Variants in GSE1 observed in about 807,000 individuals in gnomAD.
The protein encoded by GSE1 is genetic suppressor element 1.
A neutral mutation model predicts 112.6 loss-of-function variants in GSE1; 32 were observed. That is an observed-to-expected ratio of 0.28 (90% confidence interval 0.21 to 0.38). The LOEUF is 0.38. Ranked by LOEUF, GSE1 falls within the 10% of genes least tolerant of loss-of-function variation. The probability of loss-of-function intolerance (pLI) is 1.00; values close to 1 mark genes in which losing one functional copy is unlikely to be tolerated. For missense variants in GSE1, 2,348 were observed against 1,699.2 expected, an observed-to-expected ratio of 1.38 and a Z score of -6.71; for synonymous variants, 1,115 against 735.6, an observed-to-expected ratio of 1.52 and a Z score of -8.35.
rs1298155699 is a variant in GSE1 at position 85,671,108 on chromosome 16, G to A, written c.3519+10G>A. 2.0e-6 allele frequency: 3 copies of A among 1,509,736 alleles called. No homozygotes were observed. The highest frequency in any genetic ancestry group is 2.8e-6 in the Non-Finnish European group (3 of 1,085,780). 93.5% of individuals were successfully genotyped at this position (1,509,736 alleles called of 1,614,324 possible). A position where few individuals can be genotyped will look rare whatever the true frequency, so the allele number is the denominator to read the frequency against. On this transcript the variant is annotated intron_variant, in intron 15 of 15. Coordinates refer to ENST00000253458, the MANE Select transcript of GSE1 (RefSeq NM_014615.5). ...CTCCCACAGCGTGGCGGTGAGTTGGGAAGGGATGGAAACCTTCAAACACGC... is the reference window on the plus strand; with the variant it reads ...CTCCCACAGCGTGGCGGTGAGTTGGAAAGGGATGGAAACCTTCAAACACGC...
At chr16:85,389,081 A>C (rs1313631914) in intron 2 of GSE1, among the ~76,000 whole-genome samples, 1 of 152,224 alleles carries the variant, frequency 6.6e-6, no homozygotes, top group Non-Finnish European at 1.5e-5. Flanking sequence ...GAGGCCCCCC[A>C]GCCAGGTCCT....
upstream of GSE1, among the ~76,000 whole-genome samples, chr16:85,552,617 C>T (rs1335563294): frequency 6.6e-6 from 1 of 152,236 alleles, no homozygotes; most frequent in African/African-American, 2.4e-5. Context: ...CAGGCGTGAG[C>T]CACCGCGCTC....
At chr16:85,647,337 T>G (rs1407677503) in intron 2 of GSE1, among the ~76,000 whole-genome samples, 1 of 152,198 alleles carries the variant, frequency 6.6e-6, no homozygotes, top group Non-Finnish European at 1.5e-5. Context: ...GGGTTCTTTC[T>G]GAGGCGACGG....
chr16:85,261,775 C>G (rs1373616892), intron 1 of GSE1, among the ~76,000 whole-genome samples: 1 of 152,178 alleles, frequency 6.6e-6, no homozygotes, highest in Non-Finnish European at 1.5e-5. Flanking sequence ...GAGCCGCCAT[C>G]GTCCCCAGTC....
At chr16:85,244,622 G>T (rs1905438173) in intron 1 of GSE1, among the ~76,000 whole-genome samples, 1 of 152,220 alleles carries the variant, frequency 6.6e-6, no homozygotes, top group Non-Finnish European at 1.5e-5. Context: ...GGCTGAGGCA[G>T]GAGGATCGCT....
chr16:85,380,692 G>A (rs1000064600), intron 2 of GSE1, among the ~76,000 whole-genome samples: 7 of 152,240 alleles, frequency 4.6e-5, no homozygotes, highest in East Asian at 1.9e-4. Context: ...TCCATTTGGC[G>A]TGGCCCCGGA....
At chr16:85,374,404 C>T (rs895093266) in intron 2 of GSE1, among the ~76,000 whole-genome samples, 6 of 151,412 alleles carry the variant, frequency 4.0e-5, no homozygotes, top group Admixed American at 1.3e-4. Flanking sequence ...GTGTGTGGCC[C>T]TCCGTGTGCA....
chr16:85,248,384 T>G (rs1053598740), intron 1 of GSE1, among the ~76,000 whole-genome samples: 3 of 152,118 alleles, frequency 2.0e-5, no homozygotes, highest in African/African-American at 4.8e-5. Context: ...ATCTCTCCCC[T>G]TTTTTCCCTC....
chr16:85,567,582 C>T (rs2045813433), intron 1 of GSE1, among the ~76,000 whole-genome samples: 1 of 152,190 alleles, frequency 6.6e-6, no homozygotes, highest in Non-Finnish European at 1.5e-5. Context: ...GCTCCGAAGG[C>T]AGTGGTCCCA....
intron 2 of GSE1, among the ~76,000 whole-genome samples, chr16:85,522,963 T>C (rs2052237514): frequency 6.6e-6 from 1 of 152,096 alleles, no homozygotes; most frequent in Non-Finnish European, 1.5e-5. Context: ...TGTGTGGGTG[T>C]ATGTTGTGTG....
At position 85,630,352 on chromosome 16, in the gene GSE1, T is replaced by G. The variant is rs904143855; in HGVS notation, c.8-3562T>G. Among the ~76,000 whole-genome samples the G allele has an allele frequency of 7.2e-5, 11 of 152,338 alleles. No individual in the cohort carries two copies. The East Asian group carries it at 2.1e-3, about 29-fold the overall frequency. The stretch of plus-strand genomic sequence containing the variant: ...TGACTGATGAAGACTTTATAGACAT[T>G]CTTTTTATTTTTTGAGAGACAGGGT... On this transcript the variant is annotated intron_variant, in intron 1 of 15. Transcript: ENST00000253458.
At chr16:85,362,790 T>G (rs946751301) in intron 2 of GSE1, among the ~76,000 whole-genome samples, 3 of 151,996 alleles carry the variant, frequency 2.0e-5, no homozygotes, top group Non-Finnish European at 4.4e-5. Flanking sequence ...CTGGGTATCC[T>G]TCCTGAGCTG....
rs138959395 is a variant in GSE1, at chr16:85,309,587, G to A, written c.2284-47876G>A. Among the ~76,000 whole-genome samples the A allele has an allele frequency of 1.1e-3, 165 of 152,330 alleles. 1 individual carries two copies. Among genetic ancestry groups the A allele is most frequent in the African/African-American group, 3.8e-3 (156 of 41,564 alleles). On this transcript the variant is annotated intron_variant, in intron 1 of 2. Transcript: ENST00000637419. ...TTTAACTCAGCACATCCAAAATAGC[G>A]TCCTCGAGGCACGTGGCCCACCCCC...
chr16:85,492,281 G>A (rs2051035685), intron 2 of GSE1, among the ~76,000 whole-genome samples: 1 of 152,162 alleles, frequency 6.6e-6, no homozygotes, highest in African/African-American at 2.4e-5. Context: ...CCTGTGCTGA[G>A]GTTTCTGGGG....
At chr16:85,436,308 A>G (rs934194080) in intron 2 of GSE1, among the ~76,000 whole-genome samples, 1 of 152,174 alleles carries the variant, frequency 6.6e-6, no homozygotes, top group African/African-American at 2.4e-5. Context: ...TTCTGCAGGT[A>G]GGGAATTTGC....
chr16:85,175,996 T>A (rs2074455848), intron 1 of GSE1, among the ~76,000 whole-genome samples: 1 of 152,110 alleles, frequency 6.6e-6, no homozygotes, highest in Non-Finnish European at 1.5e-5. Context: ...TTGCTTCTTT[T>A]CTTTTGTTTT....
chr16:85,367,601 CAG>C (rs2047210956), intron 2 of GSE1, among the ~76,000 whole-genome samples: 1 of 152,164 alleles, frequency 6.6e-6, no homozygotes. Context: ...TGGCATTTGG[CAG>C]AGAGTTCCAG....
chr16:85,191,276 AAAAC>A (rs1376658217), intron 1 of GSE1, among the ~76,000 whole-genome samples: 2 of 152,220 alleles, frequency 1.3e-5, no homozygotes, highest in African/African-American at 4.8e-5. Context: ...AACGACAACA[AAAAC>A]AACAACAACA....
At chr16:85,214,821 G>T (rs1032303209) in intron 1 of GSE1, among the ~76,000 whole-genome samples, 2 of 152,084 alleles carry the variant, frequency 1.3e-5, no homozygotes, top group African/African-American at 4.8e-5. Context: ...AGGATGCAGG[G>T]GCCCTCGTGG....
Sources: gnomAD v4.1 joint callset for allele counts (sites outside exome capture counted in the v4.1 genomes callset) on GRCh38, gnomAD v4.1.1 for gene constraint, MANE v1.5 for transcripts, NCBI Gene and HGNC (gene_info 2026-07-23, HGNC 2026-07-21) for gene names.